The following B3GALT1 variants were observed in gnomAD, a reference collection of about 807,000 sequenced individuals.
B3GALT1 encodes UDP-Gal:betaGlcNAc beta 1,3-galactosyltransferase, polypeptide 1.
A neutral mutation model predicts 23.2 loss-of-function variants in B3GALT1; 10 were observed. The ratio of observed to expected loss-of-function variants is 0.43; its 90% CI spans 0.27 to 0.73. The LOEUF (loss-of-function observed/expected upper bound fraction) is 0.73, where lower values mean the gene tolerates loss of function less well. B3GALT1 is among the 30% of genes least tolerant of loss of function. The probability of loss-of-function intolerance (pLI) is 0.21; values close to 1 mark genes in which losing one functional copy is unlikely to be tolerated. For missense variants in B3GALT1, 299 were observed against 405.4 expected (o/e 0.74, Z 2.25); for synonymous variants, 156 against 141.5 (o/e 1.10, Z -0.73).
intron 1 of B3GALT1, among the ~76,000 whole-genome samples, chr2:167,337,146 G>A (rs138704598): frequency 8.9e-4 from 136 of 152,242 alleles, no homozygotes; most frequent in African/African-American, 3.2e-3. Flanking sequence ...GCAGTGGGAT[G>A]TAAAGTTGTT....
chr2:167,454,909 A>C (rs1699146231), intron 1 of B3GALT1, among the ~76,000 whole-genome samples: 1 of 152,184 alleles, frequency 6.6e-6, no homozygotes, highest in East Asian at 1.9e-4. Context: ...GCCATCCCTG[A>C]GGATCCAGAA....
chr2:167,687,757 T>G (rs1366580054), intron 3 of B3GALT1, among the ~76,000 whole-genome samples: 1 of 152,114 alleles, frequency 6.6e-6, no homozygotes, highest in Non-Finnish European at 1.5e-5. Context: ...ATGAATTGCT[T>G]TTAGAACACA....
chr2:167,348,407 A>C (rs535581509), intron 1 of B3GALT1, among the ~76,000 whole-genome samples: 1 of 152,130 alleles, frequency 6.6e-6, no homozygotes, highest in East Asian at 1.9e-4. Context: ...CTTTAATTGC[A>C]TAGAATATTT....
chr2:167,679,122 G>GT (rs34522800), intron 3 of B3GALT1, among the ~76,000 whole-genome samples: 63,039 of 144,942 alleles, frequency 0.43, 15,542 homozygotes, highest in Non-Finnish European at 0.56. Flanking sequence ...TTTTGTTTTT[G>GT]TTTTTTTTTT....
At chr2:167,392,279 G>A (rs989989067) in intron 1 of B3GALT1, among the ~76,000 whole-genome samples, 2 of 152,014 alleles carry the variant, frequency 1.3e-5, no homozygotes, top group African/African-American at 4.8e-5. Flanking sequence ...GAATATGGAA[G>A]AATCTGAAGA....
intron 3 of B3GALT1, among the ~76,000 whole-genome samples, chr2:167,664,147 A>G (rs1686127434): frequency 6.7e-6 from 1 of 150,288 alleles, no homozygotes; most frequent in South Asian, 2.1e-4. Flanking sequence ...TATAAGGTGT[A>G]AGGAAGGGAT....
At chr2:167,556,263 G>A (rs528744251) in intron 2 of B3GALT1, among the ~76,000 whole-genome samples, 1 of 152,208 alleles carries the variant, frequency 6.6e-6, no homozygotes, top group Admixed American at 6.5e-5. Context: ...AAATACTGCT[G>A]TAACTATGAT....
intron 1 of B3GALT1, among the ~76,000 whole-genome samples, chr2:167,352,472 A>G (rs953648656): frequency 7.9e-5 from 12 of 150,994 alleles, no homozygotes; most frequent in South Asian, 2.1e-4. Flanking sequence ...CTGTAATCCC[A>G]GCACTCTGGA....
intron 2 of B3GALT1, among the ~76,000 whole-genome samples, chr2:167,613,592 G>C (rs1213797881): frequency 6.6e-6 from 1 of 151,196 alleles, no homozygotes; most frequent in Non-Finnish European, 1.5e-5. Context: ...TAAATTAATG[G>C]ATGCATGTTA....
intron 1 of B3GALT1, among the ~76,000 whole-genome samples, chr2:167,305,513 A>G (rs930418226): frequency 6.6e-6 from 1 of 152,132 alleles, no homozygotes; most frequent in African/African-American, 2.4e-5. Flanking sequence ...TGGAGTTGCT[A>G]ATTTAAAATG....
chr2:167,352,537 T>C (rs996295498), intron 1 of B3GALT1, among the ~76,000 whole-genome samples: 1 of 137,184 alleles, frequency 7.3e-6, no homozygotes, highest in African/African-American at 2.8e-5. Flanking sequence ...GCTAACACGG[T>C]GAAACTCCGT....
intron 2 of B3GALT1, among the ~76,000 whole-genome samples, chr2:167,523,359 C>T (rs923032229): frequency 6.6e-6 from 1 of 151,832 alleles, no homozygotes; most frequent in Admixed American, 6.6e-5. Context: ...CTGCTCTTGC[C>T]CACACATTCC....
At chr2:167,726,593 C>T (rs994266242) in intron 3 of B3GALT1, among the ~76,000 whole-genome samples, 1 of 152,150 alleles carries the variant, frequency 6.6e-6, no homozygotes, top group Non-Finnish European at 1.5e-5. Flanking sequence ...GCACAGGGCA[C>T]CAGATTAAAT....
At chr2:167,463,270 T>C (rs1003247486) in intron 1 of B3GALT1, among the ~76,000 whole-genome samples, 1 of 152,168 alleles carries the variant, frequency 6.6e-6, no homozygotes, top group African/African-American at 2.4e-5. Context: ...ATCTCCATAA[T>C]GCCTAGCAGT....
In B3GALT1 at chr2:167,773,325, G is replaced by A. The variant is rs116196959; in HGVS notation, c.-351-45347G>A. On this transcript the variant is annotated intron_variant, in intron 3 of 4. Transcript: ENST00000392690. ...ACATATTTTTAAGAAAAACAGTATC[G>A]AGTTTAATTTACCCTAATTTACTAT... 6.2e-3 allele frequency among the ~76,000 whole-genome samples: 936 copies of A among 151,928 alleles called. 9 individuals are homozygous for A. Among genetic ancestry groups the A allele is most frequent in the African/African-American group, 0.021 (885 of 41,432 alleles).
chr2:167,415,502 G>A (rs541705350), intron 1 of B3GALT1, among the ~76,000 whole-genome samples: 6 of 152,306 alleles, frequency 3.9e-5, no homozygotes, highest in African/African-American at 1.4e-4. Flanking sequence ...CTGAGAAGTG[G>A]CATGTTGCTG....
At chr2:167,530,426 C>T (rs895624974) in intron 2 of B3GALT1, among the ~76,000 whole-genome samples, 9 of 152,138 alleles carry the variant, frequency 5.9e-5, no homozygotes, top group African/African-American at 1.4e-4. Context: ...AGTAGGTGCT[C>T]GCTAAACATT....
At chr2:167,662,101 A>G (rs1386993971) in intron 3 of B3GALT1, among the ~76,000 whole-genome samples, 1 of 150,678 alleles carries the variant, frequency 6.6e-6, no homozygotes, top group Non-Finnish European at 1.5e-5. Context: ...CAAGTTTTTC[A>G]GCAAGACAGA....
chr2:167,798,048 T>A (rs1688572317), intron 3 of B3GALT1, among the ~76,000 whole-genome samples: 1 of 152,176 alleles, frequency 6.6e-6, no homozygotes, highest in South Asian at 2.1e-4. Context: ...ATCTATGACA[T>A]TGAGCTTTTT....
Sources: allele counts gnomAD v4.1 joint callset (sites outside exome capture counted in the v4.1 genomes callset), GRCh38; gene constraint gnomAD v4.1.1; transcripts MANE v1.5; gene names NCBI Gene and HGNC (gene_info 2026-07-23, HGNC 2026-07-21).